Variants in LRRC34 observed in about 807,000 individuals in gnomAD.
LRRC34 encodes the protein leucine-rich repeat-containing protein 34.
In LRRC34, 44 loss-of-function variants were observed where a neutral mutation model predicts 48.5. The observed-to-expected ratio is 0.91, with a 90% CI of 0.71 to 1.17. The LOEUF (loss-of-function observed/expected upper bound fraction) is 1.17, where lower values mean the gene tolerates loss of function less well. LRRC34 is among the 50% of genes most tolerant of loss of function. The pLI, the probability that LRRC34 is intolerant of heterozygous loss-of-function variation, is 0.00. For missense variants in LRRC34, 502 were observed against 563.0 expected, an observed-to-expected ratio of 0.89 and a Z score of 1.10; for synonymous variants, 192 against 197.6, an observed-to-expected ratio of 0.97 and a Z score of 0.24.
intron 7 of LRRC34, among the ~76,000 whole-genome samples, chr3:169,799,718 AT>A (rs529169866): frequency 4.2e-4 from 64 of 152,252 alleles, no homozygotes; most frequent in African/African-American, 1.4e-3. Context: ...TGATTGATTG[AT>A]TGATTGAGAT....
At position 169,793,572 on chromosome 3, in the gene LRRC34, T is replaced by C. The variant is rs551067647; in HGVS notation, c.*63A>G. ...TTAATTTATAAAAGAAAATAGGCTA[T>C]AGAATATTAATCTCTGTGAAACAAT... On this transcript the variant is annotated 3_prime_UTR_variant, in exon 11 of 11. Transcript: ENST00000446859. 5.2e-5 allele frequency: 62 copies of C among 1,187,290 alleles called. No homozygotes were observed. Among genetic ancestry groups the C allele is most frequent in the South Asian group, 7.1e-5 (5 of 70,038 alleles). The allele number at this position is 1,187,290 out of a possible 1,614,324, so 73.5% of individuals were successfully genotyped here.
intron 6 of LRRC34, among the ~76,000 whole-genome samples, chr3:169,802,953 G>C (rs1303386504): frequency 6.6e-6 from 1 of 151,892 alleles, no homozygotes; most frequent in East Asian, 1.9e-4. Flanking sequence ...CTCCAGCCTG[G>C]GTGACAAGAG....
At chr3:169,810,579 A>C (rs1389166655) in intron 1 of LRRC34, among the ~76,000 whole-genome samples, 1 of 152,240 alleles carries the variant, frequency 6.6e-6, no homozygotes, top group Non-Finnish European at 1.5e-5. Flanking sequence ...AATATTTCCC[A>C]AACTGTATTT....
intron 7 of LRRC34, among the ~76,000 whole-genome samples, chr3:169,799,868 A>T (rs1779130112): frequency 1.3e-5 from 2 of 151,984 alleles, no homozygotes; most frequent in Admixed American, 1.3e-4. Context: ...ACCTGCCACC[A>T]TGCCTGGCTA....
In LRRC34 at chr3:169,807,721, C is replaced by CAAAAAAAAAA. The variant is rs377198673; in HGVS notation, c.258-22_258-13dup. On this transcript the variant is annotated splice_polypyrimidine_tract_variant and intron_variant, in intron 2 of 10. Coordinates refer to ENST00000446859, the MANE Select transcript of LRRC34 (RefSeq NM_001172779.2). ...TTCCTGCTGCTAGCCTGTTAAAATA[C>CAAAAAAAAAA]AAAAAAAAAAAAAAAAAAAAAAGAT... The CAAAAAAAAAA allele has an allele frequency of 4.5e-6, 4 of 883,712 alleles. No individual in the cohort carries two copies. Among genetic ancestry groups the CAAAAAAAAAA allele is most frequent in the South Asian group, 4.1e-5 (1 of 24,176 alleles). The allele number at this position is 883,712 out of a possible 1,614,324, so 54.7% of individuals were successfully genotyped here. A position where few individuals can be genotyped will look rare whatever the true frequency, so the allele number is the denominator to read the frequency against.
intron 1 of LRRC34, among the ~76,000 whole-genome samples, chr3:169,809,453 T>C (rs2108249100): frequency 6.6e-6 from 1 of 152,240 alleles, no homozygotes; most frequent in Admixed American, 6.5e-5. Context: ...CATTTCCTCT[T>C]TCTAAAGGTG....
intron 1 of LRRC34, among the ~76,000 whole-genome samples, chr3:169,810,346 A>G (rs549428762): frequency 6.6e-6 from 1 of 152,302 alleles, no homozygotes; most frequent in South Asian, 2.1e-4. Flanking sequence ...TTTTTCTTTT[A>G]TATGCATATT....
At chr3:169,809,072 A>C (rs1249662237) in intron 1 of LRRC34, among the ~76,000 whole-genome samples, 1 of 152,116 alleles carries the variant, frequency 6.6e-6, no homozygotes, top group Non-Finnish European at 1.5e-5. Flanking sequence ...AGCTGAGGAA[A>C]ATGACTTCCA....
chr3:169,799,565 G>A (rs933503976), intron 7 of LRRC34, among the ~76,000 whole-genome samples: 7 of 152,186 alleles, frequency 4.6e-5, no homozygotes, highest in African/African-American at 1.7e-4. Context: ...GCTGAGGTGG[G>A]AGGATCACTT....
chr3:169,802,118 A>C (rs1054502768), intron 6 of LRRC34, among the ~76,000 whole-genome samples: 4 of 152,170 alleles, frequency 2.6e-5, no homozygotes, highest in Admixed American at 2.6e-4. Flanking sequence ...TACACCATTT[A>C]CTTAATACTT....
At chr3:169,794,256 C>A in intron 10 of LRRC34, 1 of 159,106 alleles carries the variant, frequency 6.3e-6, no homozygotes, top group Non-Finnish European at 1.4e-5. Context: ...AGCTAGTTAC[C>A]CATTCCTCAG....
intron 7 of LRRC34, among the ~76,000 whole-genome samples, chr3:169,799,610 T>C (rs759774613): frequency 6.6e-6 from 1 of 152,118 alleles, no homozygotes; most frequent in Non-Finnish European, 1.5e-5. Context: ...TGAGCCGATA[T>C]CATGCCACCG....
chr3:169,809,288 A>G (rs925864307), intron 1 of LRRC34, among the ~76,000 whole-genome samples: 2 of 146,016 alleles, frequency 1.4e-5, no homozygotes, highest in Admixed American at 7.2e-5. Flanking sequence ...AAACAATTTT[A>G]TCTAATAACC....
In LRRC34 at chr3:169,808,676, G is replaced by T. The variant is rs747982931; in HGVS notation, c.209C>A (p.Pro70His). ...LCMEKSQKIN[P>H]FILHILQEVD... ...TTCTTGGAGTATATGCAATATAAAA[G>T]GATTAATTTTCTGGGATTTTTCCAT... is the stretch of plus-strand genomic sequence containing the variant. The change falls in exon 2 of 11, where the codon CCT becomes CAT. Residue 70 changes from proline (P) to histidine (H), a missense_variant. Coordinates refer to ENST00000446859, the MANE Select transcript of LRRC34 (RefSeq NM_001172779.2). 1 of 1,592,200 alleles carries T rather than the reference G, an allele frequency of 6.3e-7. No individual in the cohort carries two copies. Among genetic ancestry groups the T allele is most frequent in the Non-Finnish European group, 8.6e-7 (1 of 1,164,712 alleles).
chr3:169,805,915 C>T (rs904880722), intron 5 of LRRC34, among the ~76,000 whole-genome samples: 8 of 150,738 alleles, frequency 5.3e-5, no homozygotes, highest in Non-Finnish European at 1.2e-4. Flanking sequence ...CTCCCAGCTG[C>T]TTTTCTTGCA....
At chr3:169,810,002 G>C (rs1413686249) in intron 1 of LRRC34, among the ~76,000 whole-genome samples, 2 of 143,570 alleles carry the variant, frequency 1.4e-5, no homozygotes, top group Non-Finnish European at 3.0e-5. Context: ...TGCCACCCAA[G>C]CTGGAGAGCA....
At chr3:169,797,177 A>T (rs1779024126) in intron 7 of LRRC34, 1 of 217,726 alleles carries the variant, frequency 4.6e-6, no homozygotes, top group Non-Finnish European at 8.9e-6. Flanking sequence ...TTTTTTAAAA[A>T]AACAATAATC....
chr3:169,794,260 T>G (rs1434948293), intron 10 of LRRC34: 1 of 158,952 alleles, frequency 6.3e-6, no homozygotes, highest in African/African-American at 2.4e-5. Context: ...AGTTACCCAT[T>G]CCTCAGAAAA....
rs779249250 is a variant in LRRC34, at chr3:169,795,546, G to C, written c.1130C>G (p.Thr377Arg). The change falls in exon 10 of 11, where the codon ACA (threonine) becomes AGA (arginine). Residue 377 changes from threonine to arginine, a missense_variant. By Grantham distance (71) the Thr-to-Arg change is moderately conservative. Transcript: ENST00000446859. ...GLVALSQSMKTNLTFSHIYIW... is the reference protein window; with the variant it reads ...GLVALSQSMKRNLTFSHIYIW... ...GTAGATATGAGAGAAAGTGAGATTT[G>C]TTTTCATTGATTGTGAAAGTGCAAC... 2.4e-5 allele frequency: 38 copies of C among 1,612,580 alleles called. 1 individual carries two copies. The highest frequency in any genetic ancestry group is 1.6e-4 in the Middle Eastern group (1 of 6,070).
Sources: gnomAD v4.1 joint callset for allele counts (sites outside exome capture counted in the v4.1 genomes callset) on GRCh38, gnomAD v4.1.1 for gene constraint, MANE v1.5 for transcripts, NCBI Gene and HGNC (gene_info 2026-07-23, HGNC 2026-07-21) for gene names.